The following SPAG16 variants were observed in gnomAD, a reference collection of about 807,000 sequenced individuals.
SPAG16 encodes sperm-associated antigen 16 protein.
A neutral mutation model predicts 80.4 loss-of-function variants in SPAG16; 86 were observed. The ratio of observed to expected loss-of-function variants is 1.07; its 90% CI spans 0.90 to 1.28. The LOEUF (loss-of-function observed/expected upper bound fraction) is 1.28. Ranked by LOEUF, SPAG16 falls within the 50% of genes most tolerant of loss-of-function variation. The probability of loss-of-function intolerance (pLI) is 0.00; values close to 1 mark genes in which losing one functional copy is unlikely to be tolerated. For missense variants in SPAG16, 870 were observed against 765.3 expected, an observed-to-expected ratio of 1.14 and a Z score of -1.61; for synonymous variants, 294 against 265.9, an observed-to-expected ratio of 1.11 and a Z score of -1.03.
intron 6 of SPAG16, among the ~76,000 whole-genome samples, chr2:213,342,128 T>C (rs1220673740): frequency 6.6e-6 from 1 of 151,904 alleles, no homozygotes; most frequent in African/African-American, 2.4e-5. Context: ...AATTTTGCCA[T>C]CAATATTTTC....
chr2:213,447,906 A>G (rs1200627766), intron 9 of SPAG16, among the ~76,000 whole-genome samples: 1 of 152,228 alleles, frequency 6.6e-6, no homozygotes, highest in Non-Finnish European at 1.5e-5. Context: ...CCCTCAGTAC[A>G]TTTAATTAAT....
At chr2:213,297,383 C>T (rs1441586049) in intron 3 of SPAG16, 26 bp downstream of exon 3, 1 of 1,427,630 alleles carries the variant, frequency 7.0e-7, no homozygotes, top group Non-Finnish European at 9.7e-7. Context: ...CTAGTGTAGT[C>T]TATAGTTTAG....
intron 15 of SPAG16, among the ~76,000 whole-genome samples, chr2:214,402,543 T>A (rs979000785): frequency 6.6e-6 from 1 of 151,986 alleles, no homozygotes; most frequent in Non-Finnish European, 1.5e-5. Flanking sequence ...TTCAAAAATA[T>A]TATTTGGGTG....
At chr2:213,855,898 A>G (rs2075140633) in intron 10 of SPAG16, among the ~76,000 whole-genome samples, 1 of 152,014 alleles carries the variant, frequency 6.6e-6, no homozygotes, top group Non-Finnish European at 1.5e-5. Flanking sequence ...AAACCATATC[A>G]TTTTACTCCT....
chr2:213,833,150 A>G (rs916527508), intron 10 of SPAG16, among the ~76,000 whole-genome samples: 1 of 151,298 alleles, frequency 6.6e-6, no homozygotes, highest in African/African-American at 2.4e-5. Flanking sequence ...GCATTATTCT[A>G]ATTTCTATAA....
At chr2:213,582,398 A>T (rs2060327214) in intron 10 of SPAG16, among the ~76,000 whole-genome samples, 1 of 152,144 alleles carries the variant, frequency 6.6e-6, no homozygotes. Context: ...ATACAAAAGC[A>T]TTCTGTAATT....
At chr2:214,167,373 AT>A (rs2056697416) in intron 15 of SPAG16, among the ~76,000 whole-genome samples, 1 of 152,032 alleles carries the variant, frequency 6.6e-6, no homozygotes, top group Non-Finnish European at 1.5e-5. Flanking sequence ...AATGCTGCCA[AT>A]AATTAGGTGG....
intron 3 of SPAG16, among the ~76,000 whole-genome samples, chr2:213,298,568 A>G (rs981724657): frequency 2.0e-5 from 3 of 152,192 alleles, no homozygotes; most frequent in Non-Finnish European, 2.9e-5. Context: ...AAATAAGAGA[A>G]TGGATAAGTG....
chr2:213,763,979 C>T lies in SPAG16; in HGVS notation c.1071-98506C>T, dbSNP rs181418015. 3.6e-3 allele frequency among the ~76,000 whole-genome samples: 545 copies of T among 152,268 alleles called. 3 individuals are homozygous for T. Among genetic ancestry groups the T allele is most frequent in the Non-Finnish European group, 6.3e-3 (429 of 68,014 alleles). On this transcript the variant is annotated intron_variant, in intron 10 of 15. Transcript: ENST00000331683. ...TGTGTGAACCAACTAAAATAAAACA[C>T]AAATGTGAAGGGTGGGTGTGGATTC... is the stretch of plus-strand genomic sequence containing the variant.
chr2:214,406,146 C>T (rs1701988685), intron 15 of SPAG16, among the ~76,000 whole-genome samples: 1 of 152,114 alleles, frequency 6.6e-6, no homozygotes, highest in African/African-American at 2.4e-5. Context: ...GAATCTCAAC[C>T]TTAAGGAGAA....
At chr2:213,536,971 T>C (rs570031181) in intron 10 of SPAG16, among the ~76,000 whole-genome samples, 5 of 152,152 alleles carry the variant, frequency 3.3e-5, no homozygotes, top group Admixed American at 3.3e-4. Flanking sequence ...CACCATGGAA[T>C]ACTATGCAGC....
At chr2:213,973,807 C>T (rs1441318035) in intron 12 of SPAG16, among the ~76,000 whole-genome samples, 1 of 151,972 alleles carries the variant, frequency 6.6e-6, no homozygotes, top group African/African-American at 2.4e-5. Flanking sequence ...CTCTCCTTTA[C>T]TGTAATTTTA....
rs888076857 is a variant in SPAG16, at chr2:213,369,308, T to G, written c.832+5163T>G. On this transcript the variant is annotated intron_variant, in intron 8 of 15. Transcript: ENST00000331683. ...GAGAATTAAAAATGTTAAATTCTGG[T>G]TAAAATGAGAAATATGTTTTCCTTT... Among the ~76,000 whole-genome samples the G allele has an allele frequency of 2.6e-5, 4 of 152,214 alleles. No individual in the cohort carries two copies. The South Asian group carries it at 8.3e-4, about 31-fold the overall frequency.
At chr2:214,354,845 A>AT (rs1698669100) in intron 15 of SPAG16, among the ~76,000 whole-genome samples, 1 of 152,042 alleles carries the variant, frequency 6.6e-6, no homozygotes, top group African/African-American at 2.4e-5. Context: ...TTGTACATTG[A>AT]TTTTGTATCC....
chr2:213,492,947 T>C (rs575693496), intron 10 of SPAG16, among the ~76,000 whole-genome samples: 2 of 151,930 alleles, frequency 1.3e-5, no homozygotes, highest in East Asian at 3.9e-4. Context: ...GTTATTATTT[T>C]TCTCTCTCTC....
At chr2:213,453,416 A>G (rs1161707377) in intron 9 of SPAG16, among the ~76,000 whole-genome samples, 1 of 152,236 alleles carries the variant, frequency 6.6e-6, no homozygotes, top group African/African-American at 2.4e-5. Flanking sequence ...CATTATAACA[A>G]TAAATTACAC....
At chr2:213,813,828 C>G (rs1207147067) in intron 10 of SPAG16, among the ~76,000 whole-genome samples, 1 of 152,130 alleles carries the variant, frequency 6.6e-6, no homozygotes, top group Non-Finnish European at 1.5e-5. Flanking sequence ...TGGCAAGAAG[C>G]ACCCACAACA....
intron 15 of SPAG16, among the ~76,000 whole-genome samples, chr2:214,170,152 A>G (rs1051093018): frequency 3.3e-5 from 5 of 151,938 alleles, no homozygotes; most frequent in African/African-American, 1.2e-4. Context: ...CATTAAAAAA[A>G]TGCCTTTTGT....
chr2:213,561,560 A>G (rs2125983097), intron 10 of SPAG16, among the ~76,000 whole-genome samples: 1 of 152,270 alleles, frequency 6.6e-6, no homozygotes, highest in African/African-American at 2.4e-5. Context: ...CTATGTACCC[A>G]CAAAAGTTAA....
Sources: gnomAD v4.1 joint callset for allele counts (sites outside exome capture counted in the v4.1 genomes callset) on GRCh38, gnomAD v4.1.1 for gene constraint, MANE v1.5 for transcripts, NCBI Gene and HGNC (gene_info 2026-07-23, HGNC 2026-07-21) for gene names.